Variants in SCAI observed in about 807,000 individuals in gnomAD.
SCAI encodes suppressor of cancer cell invasion.
Under a neutral mutation model 92.2 loss-of-function variants are expected in SCAI, and 24 were observed. That is an observed-to-expected ratio of 0.26 (90% CI 0.19 to 0.37). SCAI has a LOEUF of 0.37. SCAI is among the 10% of genes least tolerant of loss of function. The probability of loss-of-function intolerance (pLI) is 1.00; values close to 1 mark genes in which losing one functional copy is unlikely to be tolerated. For synonymous variants in SCAI, 261 were observed against 258.6 expected (o/e 1.01, Z -0.09); for missense variants, 450 against 736.2 (o/e 0.61, Z 4.50).
intron 2 of SCAI, among the ~76,000 whole-genome samples, chr9:125,081,008 C>G (rs1834203296): frequency 6.6e-6 from 1 of 152,238 alleles, no homozygotes; most frequent in South Asian, 2.1e-4. Flanking sequence ...CTGCTGCCAT[C>G]CATGTAAGAT....
chr9:124,955,634 T>C, intron 17 of SCAI, among the ~76,000 whole-genome samples: 1 of 151,028 alleles, frequency 6.6e-6, no homozygotes, highest in Admixed American at 6.6e-5. Flanking sequence ...AAAAATTTTT[T>C]TAAATAAATA....
intron 17 of SCAI, among the ~76,000 whole-genome samples, chr9:124,957,695 TTA>T (rs1491296745): frequency 6.4e-4 from 96 of 150,062 alleles, no homozygotes; most frequent in African/African-American, 2.3e-3. Flanking sequence ...TTTTTTTTTT[TTA>T]AAAAGACGGA....
rs189008421 is a variant in SCAI at position 125,111,383 on chromosome 9, G to A, written c.98+31250C>T. The stretch of plus-strand genomic sequence containing the variant: ...CTACTTCTATCCAAGGTATAGTAAC[G>A]GGGACTAGATTTACCCTCCTATCTG... On this transcript the variant is annotated intron_variant, in intron 2 of 17. Coordinates refer to ENST00000336505, the MANE Select transcript of SCAI (RefSeq NM_001144877.3). Among the ~76,000 whole-genome samples, 17 of 152,102 alleles carry A rather than the reference G, an allele frequency of 1.1e-4. No homozygotes were observed. In the South Asian group the frequency reaches 1.2e-3, roughly 11 times the overall value.
chr9:124,997,790 C>T (rs1249805462), intron 13 of SCAI, among the ~76,000 whole-genome samples: 6 of 150,214 alleles, frequency 4.0e-5, no homozygotes, highest in African/African-American at 1.2e-4. Context: ...GCAGGAGAAT[C>T]GCTTGAACCC....
chr9:125,109,223 A>AAGGCC (rs1293811120), intron 2 of SCAI, among the ~76,000 whole-genome samples: 1 of 152,128 alleles, frequency 6.6e-6, no homozygotes, highest in Non-Finnish European at 1.5e-5. Flanking sequence ...AACACTGCGG[A>AAGGCC]AGGCCGCAGG....
chr9:125,021,481 T>C (rs559806999), intron 6 of SCAI, among the ~76,000 whole-genome samples: 1 of 152,318 alleles, frequency 6.6e-6, no homozygotes, highest in Non-Finnish European at 1.5e-5. Flanking sequence ...GTTATACTAC[T>C]TCTTTGTTAT....
intron 7 of SCAI, among the ~76,000 whole-genome samples, chr9:125,019,505 TA>T (rs992125548): frequency 1.3e-5 from 2 of 149,804 alleles, no homozygotes; most frequent in Admixed American, 6.6e-5. Flanking sequence ...ATTTTAACAA[TA>T]AAAAAAAATG....
At chr9:125,052,955 T>G (rs577553173) in intron 3 of SCAI, among the ~76,000 whole-genome samples, 164 of 151,780 alleles carry the variant, frequency 1.1e-3, no homozygotes, top group African/African-American at 3.7e-3. Flanking sequence ...GAGGAGAAAC[T>G]AGAACACATT....
At chr9:124,974,111 C>A in intron 15 of SCAI, 1 of 314,432 alleles carries the variant, frequency 3.2e-6, no homozygotes, top group Non-Finnish European at 6.4e-6. Context: ...AGACATTTGG[C>A]TCTGTGAAGA....
At chr9:124,977,239 C>G (rs1389643293) in intron 14 of SCAI, among the ~76,000 whole-genome samples, 1 of 152,082 alleles carries the variant, frequency 6.6e-6, no homozygotes, top group Non-Finnish European at 1.5e-5. Context: ...AAATTTAAAC[C>G]AACCTCAATA....
intron 17 of SCAI, among the ~76,000 whole-genome samples, chr9:124,959,858 C>T (rs1343234452): frequency 6.6e-6 from 1 of 152,150 alleles, no homozygotes; most frequent in Non-Finnish European, 1.5e-5. Flanking sequence ...CCACAAAGGA[C>T]ATGAACTCAT....
At chr9:125,102,661 G>A (rs1266853331) in intron 2 of SCAI, among the ~76,000 whole-genome samples, 3 of 151,582 alleles carry the variant, frequency 2.0e-5, no homozygotes, top group East Asian at 1.9e-4. Context: ...GCAGTGGCAC[G>A]ATCTAAGCTC....
intron 2 of SCAI, among the ~76,000 whole-genome samples, chr9:125,104,393 T>C (rs994494525): frequency 2.6e-5 from 4 of 152,168 alleles, no homozygotes; most frequent in African/African-American, 4.8e-5. Context: ...TCAGTAACAC[T>C]TTGAGGTTTA....
In SCAI at chr9:125,121,208, T is replaced by C. The variant is rs113874777; in HGVS notation, c.98+21425A>G. On this transcript the variant is annotated intron_variant, in intron 2 of 17. Transcript: ENST00000336505. Reference sequence around the variant, plus strand: ...GAAATAGTGTCAAATAGTTTCAGCGTGAACAAGGTAAAGAAAAAGCTAAGC... The same window carrying C: ...GAAATAGTGTCAAATAGTTTCAGCGCGAACAAGGTAAAGAAAAAGCTAAGC... Among the ~76,000 whole-genome samples, 137 of 150,640 alleles carry C rather than the reference T, an allele frequency of 9.1e-4. 1 individual carries two copies. Among genetic ancestry groups the C allele is most frequent in the African/African-American group, 3.2e-3 (132 of 40,868 alleles).
chr9:124,952,793 A>G lies in SCAI; in HGVS notation c.*14T>C. On this transcript the variant is annotated 3_prime_UTR_variant, in exon 18 of 18. Transcript: ENST00000336505. ...TGGAAAATGAAAACTTGTTTCGACA[A>G]CAGGGTTTTTGTTTTAATAGTCATC... 1.3e-6 allele frequency: 2 copies of G among 1,599,874 alleles called. No homozygotes were observed. The highest frequency in any genetic ancestry group is 1.7e-6 in the Non-Finnish European group (2 of 1,172,370).
intron 2 of SCAI, among the ~76,000 whole-genome samples, chr9:125,132,164 G>A (rs1835415870): frequency 6.6e-6 from 1 of 151,062 alleles, no homozygotes; most frequent in Non-Finnish European, 1.5e-5. Flanking sequence ...CCCAGGTTAG[G>A]GTGCAGTGGC....
intron 2 of SCAI, among the ~76,000 whole-genome samples, chr9:125,106,657 T>C (rs765320623): frequency 2.4e-4 from 36 of 151,638 alleles, no homozygotes; most frequent in Non-Finnish European, 4.0e-4. Flanking sequence ...TTACAATCTC[T>C]CTCAAAGAGA....
At chr9:124,969,856 T>C (rs1458277439) in intron 17 of SCAI, among the ~76,000 whole-genome samples, 1 of 152,096 alleles carries the variant, frequency 6.6e-6, no homozygotes, top group African/African-American at 2.4e-5. Flanking sequence ...CACAGTAACA[T>C]CATTTTTTTT....
chr9:125,096,289 A>T (rs181924528), intron 2 of SCAI, among the ~76,000 whole-genome samples: 249 of 152,226 alleles, frequency 1.6e-3, no homozygotes, highest in African/African-American at 5.8e-3. Context: ...CGTGAGACTT[A>T]TTCACTATCA....
Sources: gnomAD v4.1 joint callset for allele counts (sites outside exome capture counted in the v4.1 genomes callset) on GRCh38, gnomAD v4.1.1 for gene constraint, MANE v1.5 for transcripts, NCBI Gene and HGNC (gene_info 2026-07-23, HGNC 2026-07-21) for gene names.